SPAG16: variants seen among roughly 807,000 people sequenced by gnomAD.
The protein encoded by SPAG16 is sperm associated antigen 16.
In SPAG16, 86 loss-of-function variants were observed where a neutral mutation model predicts 80.4. The observed-to-expected ratio is 1.07, with a 90% confidence interval of 0.90 to 1.28. The LOEUF (loss-of-function observed/expected upper bound fraction) is 1.28. Among genes scored for constraint, SPAG16 ranks in the 50% most tolerant of loss-of-function variants. The pLI, the probability that SPAG16 is intolerant of heterozygous loss-of-function variation, is 0.00. For synonymous variants in SPAG16, 294 were observed against 265.9 expected (o/e 1.11, Z -1.03); for missense variants, 870 against 765.3 (o/e 1.14, Z -1.61).
chr2:213,992,276 G>A (rs537820050), intron 12 of SPAG16, among the ~76,000 whole-genome samples: 7 of 151,968 alleles, frequency 4.6e-5, no homozygotes, highest in African/African-American at 1.4e-4. Flanking sequence ...ACTCTTCTCC[G>A]TGACAGTAAT....
intron 10 of SPAG16, among the ~76,000 whole-genome samples, chr2:213,615,331 G>A (rs754370537): frequency 3.3e-5 from 5 of 152,206 alleles, no homozygotes; most frequent in Non-Finnish European, 7.3e-5. Context: ...GGTGGCTCAC[G>A]CCTGTAATCC....
chr2:213,823,973 A>G (rs927592289), intron 10 of SPAG16, among the ~76,000 whole-genome samples: 2 of 152,126 alleles, frequency 1.3e-5, no homozygotes, highest in Admixed American at 1.3e-4. Context: ...GCATTTTTTC[A>G]TGAAGTCTTT....
intron 12 of SPAG16, among the ~76,000 whole-genome samples, chr2:213,975,096 G>C (rs61032382): frequency 0.27 from 40,791 of 150,860 alleles, 8,258 homozygotes; most frequent in African/African-American, 0.58. Flanking sequence ...ATAATTAATA[G>C]TAGCAAGATA....
intron 15 of SPAG16, among the ~76,000 whole-genome samples, chr2:214,218,631 T>C (rs1377029093): frequency 6.6e-6 from 1 of 152,210 alleles, no homozygotes; most frequent in Non-Finnish European, 1.5e-5. Context: ...TTTACTATAC[T>C]ACATGAGGAG....
intron 10 of SPAG16, among the ~76,000 whole-genome samples, chr2:213,676,937 G>A (rs530410771): frequency 6.6e-6 from 1 of 151,074 alleles, no homozygotes; most frequent in East Asian, 1.9e-4. Context: ...TCTATTGATT[G>A]GAATAGTTTC....
intron 10 of SPAG16, among the ~76,000 whole-genome samples, chr2:213,503,982 A>C (rs1442495621): frequency 6.6e-6 from 1 of 152,136 alleles, no homozygotes; most frequent in Non-Finnish European, 1.5e-5. Flanking sequence ...TTTAAGGGGA[A>C]CTTTGTATGG....
intron 9 of SPAG16, among the ~76,000 whole-genome samples, chr2:213,407,975 G>GGA (rs113044009): frequency 0.19 from 20,477 of 105,850 alleles, 3,448 homozygotes; most frequent in Non-Finnish European, 0.28. Flanking sequence ...GAGAGAGACA[G>GGA]GAGAGAGAGA....
chr2:214,378,289 G>A (rs73089243), intron 15 of SPAG16, among the ~76,000 whole-genome samples: 1 of 152,144 alleles, frequency 6.6e-6, no homozygotes, highest in Non-Finnish European at 1.5e-5. Flanking sequence ...GAGATAATTT[G>A]GGGCTTCAAA....
At chr2:213,692,404 A>G (rs1390949828) in intron 10 of SPAG16, among the ~76,000 whole-genome samples, 3 of 152,232 alleles carry the variant, frequency 2.0e-5, no homozygotes, top group East Asian at 1.9e-4. Context: ...CTAAAAATAC[A>G]TAAAATATAT....
intron 13 of SPAG16, among the ~76,000 whole-genome samples, chr2:214,015,635 T>G (rs1196201095): frequency 6.6e-6 from 1 of 150,832 alleles, no homozygotes; most frequent in Non-Finnish European, 1.5e-5. Context: ...AAGGGCTGGT[T>G]TCTGTTTAGC....
At chr2:214,354,436 G>A (rs1049184120) in intron 15 of SPAG16, among the ~76,000 whole-genome samples, 7 of 152,152 alleles carry the variant, frequency 4.6e-5, no homozygotes, top group Non-Finnish European at 8.8e-5. Context: ...GTAGCATGAT[G>A]CCTCCAGCTT....
chr2:213,334,610 G>T (rs1252935696), intron 5 of SPAG16, among the ~76,000 whole-genome samples: 2 of 152,202 alleles, frequency 1.3e-5, no homozygotes, highest in Non-Finnish European at 2.9e-5. Flanking sequence ...ATATGTAATG[G>T]AGAACTGTTC....
intron 12 of SPAG16, among the ~76,000 whole-genome samples, chr2:213,932,175 TATATATATATATATATATATATA>T (rs1559602460): frequency 1.5e-4 from 4 of 26,162 alleles, no homozygotes; most frequent in Admixed American, 4.9e-4. Context: ...TATATATATA[TATATATATATATATATATATATA>T]TTTGTTGTTG....
chr2:213,590,278 G>A (rs1380581969), intron 10 of SPAG16, among the ~76,000 whole-genome samples: 1 of 152,062 alleles, frequency 6.6e-6, no homozygotes, highest in African/African-American at 2.4e-5. Flanking sequence ...TAATGCTGAG[G>A]TTTGGGCTTC....
chr2:213,824,658 T>C (rs985599175), intron 10 of SPAG16, among the ~76,000 whole-genome samples: 7 of 152,212 alleles, frequency 4.6e-5, no homozygotes, highest in Admixed American at 3.9e-4. Context: ...TAGTATAGTT[T>C]GAAGTCAGGT....
chr2:213,403,190 A>AT (rs1451485367), intron 9 of SPAG16, among the ~76,000 whole-genome samples: 1 of 152,072 alleles, frequency 6.6e-6, no homozygotes, highest in African/African-American at 2.4e-5. Flanking sequence ...GATGATGAGC[A>AT]TTTTTCATGT....
chr2:213,367,920 G>C (rs1211119168), intron 8 of SPAG16, among the ~76,000 whole-genome samples: 3 of 143,178 alleles, frequency 2.1e-5, no homozygotes, highest in Non-Finnish European at 3.0e-5. Flanking sequence ...TATGGTTTTA[G>C]GTCTAACATT....
At chr2:213,626,274 C>G (rs1219456810) in intron 10 of SPAG16, among the ~76,000 whole-genome samples, 1 of 151,842 alleles carries the variant, frequency 6.6e-6, no homozygotes, top group Non-Finnish European at 1.5e-5. Flanking sequence ...TGTCTGAAAG[C>G]ACCAAGCAAA....
chr2:213,987,910 T>A (rs984537019), intron 12 of SPAG16, among the ~76,000 whole-genome samples: 8 of 149,426 alleles, frequency 5.4e-5, no homozygotes, highest in African/African-American at 9.7e-5. Context: ...ATGTTATATA[T>A]TTATAAAATA....
Sources: allele counts gnomAD v4.1 joint callset (sites outside exome capture counted in the v4.1 genomes callset), GRCh38; gene constraint gnomAD v4.1.1; transcripts MANE v1.5; gene names NCBI Gene and HGNC (gene_info 2026-07-23, HGNC 2026-07-21).